SLC46A2: variants seen among roughly 807,000 people sequenced by gnomAD.
The protein encoded by SLC46A2 is thymic stromal co-transporter.
SLC46A2 carries 25 observed loss-of-function variants against 33.1 expected under a neutral mutation model. The observed-to-expected ratio is 0.76, with a 90% confidence interval of 0.55 to 1.06. SLC46A2 has a LOEUF of 1.06. SLC46A2 is among the 50% of genes least tolerant of loss of function. The pLI is 0.00. For missense variants in SLC46A2, 622 were observed against 621.7 expected (o/e 1.00, Z 0.00); for synonymous variants, 254 against 275.9 (o/e 0.92, Z 0.79).
At position 112,889,959 on chromosome 9, in the gene SLC46A2, G is replaced by C. The variant is rs577863419; in HGVS notation, c.723C>G (p.Pro241=). The C allele has an allele frequency of 6.2e-7, 1 of 1,614,166 alleles. No individual in the cohort carries two copies. ...CCGTGCCAGACACGGTATCCACGGC[G>C]GGGAGCTCCTGGCTGGGTTTGGCCA... is the stretch of plus-strand genomic sequence containing the variant. The part of the protein sequence containing the change: ...ESVAKPSQEL[P]AVDTVSGTVG... Residue 241 remains proline, a synonymous_variant, in exon 1 of 4, where the codon CCC becomes CCG. Transcript: ENST00000374228.
At chr9:112,887,450 C>T (rs1436509247) in intron 1 of SLC46A2, 37 bp from the exon 2 acceptor site, 2 of 1,559,282 alleles carry the variant, frequency 1.3e-6, no homozygotes, top group South Asian at 1.2e-5. Flanking sequence ...CTTGCTGTAG[C>T]CCAGCCTGGG....
chr9:112,886,757 C>T, intron 2 of SLC46A2, 141 bp from the exon 3 acceptor site: 1 of 902,412 alleles, frequency 1.1e-6, no homozygotes, highest in Non-Finnish European at 1.6e-6. Flanking sequence ...CAGAGTCTTA[C>T]TCTGTTGCCC....
chr9:112,880,800 T>C (rs1841566840), intron 3 of SLC46A2, among the ~76,000 whole-genome samples: 1 of 152,226 alleles, frequency 6.6e-6, no homozygotes, highest in Non-Finnish European at 1.5e-5. Flanking sequence ...AATTTTTTTA[T>C]CCATTTATGG....
At chr9:112,882,502 C>T (rs1359914046) in intron 3 of SLC46A2, among the ~76,000 whole-genome samples, 4 of 152,178 alleles carry the variant, frequency 2.6e-5, no homozygotes, top group Non-Finnish European at 5.9e-5. Context: ...GGACCTTGCT[C>T]TGGCCACCTG....
rs145268630 is a variant in SLC46A2, at chr9:112,890,498, G to A, written c.184C>T (p.Pro62Ser). Residue 62 changes from proline to serine, a missense_variant, in exon 1 of 4, where the codon CCC (proline) becomes TCC (serine). Transcript: ENST00000374228. This position sits in a 1 kb window ranked among gnomAD's most constrained non-coding sequence, Gnocchi z 6.0. ...TGTTGGTCCTCTAGAGCCCCCCGGG[G>A]CGATGGGCTGGCACTGTGGTTGGAG... ...GSSNHSASPS[P>S]RGALEDQQQR... 62 of 1,614,208 alleles carry A rather than the reference G, an allele frequency of 3.8e-5. No homozygotes were observed. The African/African-American group carries it at 6.1e-4, about 16-fold the overall frequency.
At chr9:112,883,620 AG>A (rs1274166817) in intron 3 of SLC46A2, among the ~76,000 whole-genome samples, 2 of 152,048 alleles carry the variant, frequency 1.3e-5, no homozygotes, top group Non-Finnish European at 2.9e-5. Flanking sequence ...AAATGAACAT[AG>A]GGCTGTGGAC....
chr9:112,879,713 T>C lies in SLC46A2; in HGVS notation c.*49A>G. ...TTCCCTGGTCCCTTCTTTTGTCTTCTGGGGGCCTGGCCATGGCTGATGTTT... is the reference window on the plus strand; with the variant it reads ...TTCCCTGGTCCCTTCTTTTGTCTTCCGGGGGCCTGGCCATGGCTGATGTTT... On this transcript the variant is annotated 3_prime_UTR_variant, in exon 4 of 4. Transcript: ENST00000374228. 1 of 1,558,278 alleles carries C rather than the reference T, an allele frequency of 6.4e-7. No individual in the cohort carries two copies. The highest frequency in any genetic ancestry group is 8.8e-7 in the Non-Finnish European group (1 of 1,130,742).
intron 2 of SLC46A2, 98 bp from the exon 3 acceptor site, chr9:112,886,714 C>G (rs1588149996): frequency 7.9e-7 from 1 of 1,259,436 alleles, no homozygotes; most frequent in Non-Finnish European, 1.1e-6. Context: ...ACCCTTCCTT[C>G]TTACTCTCTC....
rs1303497754 is a variant in SLC46A2 at position 112,890,216 on chromosome 9, C to A, written c.466G>T (p.Val156Phe). The A allele has an allele frequency of 1.2e-6, 2 of 1,613,012 alleles. No homozygotes were observed. Among genetic ancestry groups the A allele is most frequent in the East Asian group, 2.2e-5 (1 of 44,888 alleles). ...GAGCCCAGCGATCCCAGCGCCATGA[C>A]CCCGGACCAGAAGGCGGAGAAGCCG... Reference protein sequence around the residue: ...FGGFSAFWSGVMALGSLGSSE... With the variant: ...FGGFSAFWSGFMALGSLGSSE... The change falls in exon 1 of 4, where the codon GTC (valine) becomes TTC (phenylalanine). Residue 156 changes from valine (V) to phenylalanine (F), a missense_variant. Val to Phe is a conservative substitution (Grantham distance 50, BLOSUM62 -1). Coordinates refer to ENST00000374228, the MANE Select transcript of SLC46A2 (RefSeq NM_033051.4). The surrounding 1 kb of genome is among the most constrained non-coding windows in gnomAD (Gnocchi z 6.0).
Position 112,889,794 on chromosome 9 carries a change from C to T in SLC46A2, c.888G>A (p.Ala296=), listed in dbSNP as rs375417558. Residue 296 remains alanine, a synonymous_variant, in exon 1 of 4, where the codon GCG becomes GCA. Coordinates refer to ENST00000374228, the MANE Select transcript of SLC46A2 (RefSeq NM_033051.4). ...LFVGAIIYDL[A]VVGTVDVIPL... Reference sequence around the variant, plus strand: ...GGATCACGTCCACTGTGCCCACCACCGCCAGGTCATATATGATAGCACCCA... The same window carrying T: ...GGATCACGTCCACTGTGCCCACCACTGCCAGGTCATATATGATAGCACCCA... 7.4e-6 allele frequency: 12 copies of T among 1,614,048 alleles called. No homozygotes were observed. The highest frequency in any genetic ancestry group is 1.1e-5 in the South Asian group (1 of 91,092).
At position 112,879,354 on chromosome 9, in the gene SLC46A2, C is replaced by T. The variant is rs1190433415; in HGVS notation, c.*408G>A. On this transcript the variant is annotated 3_prime_UTR_variant, in exon 4 of 4. Coordinates refer to ENST00000374228, the MANE Select transcript of SLC46A2 (RefSeq NM_033051.4). ...TTGAGTTCTCCCATGGGACTTTCAG[C>T]ACAGCACCCAGGTGACTAGTTAGCT... 2 of 167,848 alleles carry T rather than the reference C, an allele frequency of 1.2e-5. No homozygotes were observed. Among genetic ancestry groups the T allele is most frequent in the African/African-American group, 4.7e-5 (2 of 42,134 alleles). The allele number at this position is 167,848 out of a possible 1,614,324, so 10.4% of individuals were successfully genotyped here.
chr9:112,886,312 T>A, intron 3 of SLC46A2, 148 bp downstream of exon 3: 1 of 810,576 alleles, frequency 1.2e-6, no homozygotes, highest in South Asian at 1.8e-5. Context: ...ACAGGAGGAC[T>A]TTTTCTTTGT....
At chr9:112,883,903 G>A in intron 3 of SLC46A2, among the ~76,000 whole-genome samples, 1 of 152,072 alleles carries the variant, frequency 6.6e-6, no homozygotes, top group East Asian at 1.9e-4. Context: ...CACTATGTTG[G>A]CCAGGCTGGT....
rs1244235951 is a variant in SLC46A2, at chr9:112,886,720, C to CTA, written c.1214-105_1214-104insTA. 4 of 1,053,964 alleles carry CTA rather than the reference C, an allele frequency of 3.8e-6. No homozygotes were observed. In the African/African-American group the frequency reaches 6.4e-5, roughly 17 times the overall value. 65.3% of individuals were successfully genotyped at this position (1,053,964 alleles called of 1,614,324 possible). A position where few individuals can be genotyped will look rare whatever the true frequency, so the allele number is the denominator to read the frequency against. ...TCTTAGGGGACCCTTCCTTCTTACT[C>CTA]TCTCTCTCTCTCTCTTTTTTTAGAG... On this transcript the variant is annotated intron_variant, in intron 2 of 3. Transcript: ENST00000374228.
intron 1 of SLC46A2, among the ~76,000 whole-genome samples, chr9:112,888,216 G>T (rs1313763489): frequency 6.6e-6 from 1 of 152,162 alleles, no homozygotes; most frequent in East Asian, 1.9e-4. Context: ...GGTGGAAGTT[G>T]CAGTGAGCCG....
rs746123288 is a variant in SLC46A2, at chr9:112,889,945, A to G, written c.737T>C (p.Val246Ala). ...GCGGTATGTGCCAACCGTGCCAGACACGGTATCCACGGCGGGGAGCTCCTG... is the reference window on the plus strand; with the variant it reads ...GCGGTATGTGCCAACCGTGCCAGACGCGGTATCCACGGCGGGGAGCTCCTG... ...PSQELPAVDT[V>A]SGTVGTYRTL... Residue 246 changes from valine (V) to alanine (A), a missense_variant, in exon 1 of 4, where the codon GTG (valine) becomes GCG (alanine). Transcript: ENST00000374228. 7.4e-6 allele frequency: 12 copies of G among 1,614,078 alleles called. No homozygotes were observed. In the Admixed American group the frequency reaches 1.8e-4, roughly 25 times the overall value.
Position 112,879,662 on chromosome 9 carries a change from A to T in SLC46A2, c.*100T>A. On this transcript the variant is annotated 3_prime_UTR_variant, in exon 4 of 4. Coordinates refer to ENST00000374228, the MANE Select transcript of SLC46A2 (RefSeq NM_033051.4). ...ACTCTGGCTGGAACGCAGGTTTCTT[A>T]AGCAGTGGGTTGCTTAGGTCACCAG... The T allele has an allele frequency of 9.1e-7, 1 of 1,100,212 alleles. No individual in the cohort carries two copies. The highest frequency in any genetic ancestry group is 1.4e-6 in the Non-Finnish European group (1 of 739,202). 68.2% of individuals were successfully genotyped at this position (1,100,212 alleles called of 1,614,324 possible). A position where few individuals can be genotyped will look rare whatever the true frequency, so the allele number is the denominator to read the frequency against.
At position 112,889,429 on chromosome 9, in the gene SLC46A2, C is replaced by T. The variant is rs117066027; in HGVS notation, c.1129+124G>A. ...GCATATAATCTTGTGTCCCTTGTGC[C>T]TCCTAGGTAGCAGGTTCAATCCCTG... is the stretch of plus-strand genomic sequence containing the variant. On this transcript the variant is annotated intron_variant, in intron 1 of 3. Coordinates refer to ENST00000374228, the MANE Select transcript of SLC46A2 (RefSeq NM_033051.4). 6.4e-3 allele frequency: 5,992 copies of T among 941,178 alleles called. 59 individuals are homozygous for T. Among genetic ancestry groups the T allele is most frequent in the Admixed American group, 0.016 (611 of 38,318 alleles). The allele number at this position is 941,178 out of a possible 1,614,324, so 58.3% of individuals were successfully genotyped here. A position where few individuals can be genotyped will look rare whatever the true frequency, so the allele number is the denominator to read the frequency against.
rs902034921 is a variant in SLC46A2, at chr9:112,880,009, C to T, written c.1371-190G>A. ...TGCTAGCTAAAAGGAGCATGTTGAC[C>T]ATTTGCTTCCCCATTGTTCCTTTAG... is the stretch of plus-strand genomic sequence containing the variant. On this transcript the variant is annotated intron_variant, in intron 3 of 3. Transcript: ENST00000374228. 2.7e-4 allele frequency: 135 copies of T among 501,052 alleles called. No individual in the cohort carries two copies. In the East Asian group the frequency reaches 4.0e-3, roughly 15 times the overall value. The allele number at this position is 501,052 out of a possible 1,614,324, so 31.0% of individuals were successfully genotyped here.
Sources: gnomAD v4.1 joint callset for allele counts (sites outside exome capture counted in the v4.1 genomes callset) on GRCh38, gnomAD v4.1.1 for gene constraint, Gnocchi (gnomAD v3.1) non-coding constraint, MANE v1.5 for transcripts, NCBI Gene and HGNC (gene_info 2026-07-23, HGNC 2026-07-21) for gene names.